The following RBM20 variants were observed in gnomAD, a reference collection of about 807,000 sequenced individuals.
RBM20 encodes the protein RNA binding motif protein 20.
In RBM20, 51 loss-of-function variants were observed where a neutral mutation model predicts 110.1. The observed-to-expected ratio is 0.46, with a 90% CI of 0.37 to 0.59. The LOEUF (loss-of-function observed/expected upper bound fraction) is 0.59, where lower values mean the gene tolerates loss of function less well. Ranked by LOEUF, RBM20 falls within the 20% of genes least tolerant of loss-of-function variation. The pLI is 0.00. For synonymous variants in RBM20, 589 were observed against 618.2 expected (o/e 0.95, Z 0.70); for missense variants, 1,512 against 1,574.9 (o/e 0.96, Z 0.68).
At chr10:110,727,513 T>C (rs1220423321) in intron 1 of RBM20, among the ~76,000 whole-genome samples, 3 of 152,162 alleles carry the variant, frequency 2.0e-5, no homozygotes, top group Non-Finnish European at 4.4e-5. Flanking sequence ...ACTTTTAAAC[T>C]TTCTATTCTG....
chr10:110,707,539 C>T (rs1159195997), intron 1 of RBM20, among the ~76,000 whole-genome samples: 1 of 152,230 alleles, frequency 6.6e-6, no homozygotes, highest in South Asian at 2.1e-4. Context: ...AGGCAAAGAG[C>T]ATAGATCTGA....
At chr10:110,694,815 G>A (rs1862637650) in intron 1 of RBM20, among the ~76,000 whole-genome samples, 2 of 152,090 alleles carry the variant, frequency 1.3e-5, no homozygotes, top group African/African-American at 2.4e-5. Context: ...GCTGACTGAC[G>A]TTTAACTCCA....
chr10:110,738,317 G>A (rs535535500), intron 1 of RBM20, among the ~76,000 whole-genome samples: 11 of 152,290 alleles, frequency 7.2e-5, no homozygotes, highest in African/African-American at 2.6e-4. Flanking sequence ...AGTGCCCACT[G>A]CTGCTTACAG....
chr10:110,702,931 A>G (rs1862780231), intron 1 of RBM20, among the ~76,000 whole-genome samples: 2 of 151,670 alleles, frequency 1.3e-5, no homozygotes, highest in African/African-American at 4.8e-5. Flanking sequence ...AGTGAGCACC[A>G]TGTAAGTGTT....
In RBM20 at chr10:110,812,886, G is replaced by A. The variant is rs1844793359; in HGVS notation, c.2489G>A (p.Arg830Lys). ...CAGAATGAGAAAAATAAAACCAAGA[G>A]AACTGATAGAGACCAAGAAGGAGCT... The part of the protein sequence containing the change: ...AKQNEKNKTK[R>K]TDRDQEGADD... The change falls in exon 9 of 14, where the codon AGA (arginine) becomes AAA (lysine). Residue 830 changes from arginine to lysine, a missense_variant. Arg to Lys is a conservative substitution (Grantham distance 26). Transcript: ENST00000369519. 2 of 1,468,654 alleles carry A rather than the reference G, an allele frequency of 1.4e-6. No individual in the cohort carries two copies. The highest frequency in any genetic ancestry group is 1.4e-5 in the African/African-American group (1 of 69,936). The allele number at this position is 1,468,654 out of a possible 1,614,324, so 91.0% of individuals were successfully genotyped here.
At position 110,798,451 on chromosome 10, in the gene RBM20, A is replaced by G. The variant is rs114012111; in HGVS notation, c.1668+803A>G. 6.9e-3 allele frequency among the ~76,000 whole-genome samples: 1,048 copies of G among 152,308 alleles called. 12 individuals are homozygous for G. The highest frequency in any genetic ancestry group is 0.024 in the African/African-American group (996 of 41,558). On this transcript the variant is annotated intron_variant, in intron 6 of 13. Transcript: ENST00000369519. ...TCACTTGTCTCTGTTCCTACTTCTCAGAAATTCTATTTTGGGTAAATGCAC... is the reference window on the plus strand; with the variant it reads ...TCACTTGTCTCTGTTCCTACTTCTCGGAAATTCTATTTTGGGTAAATGCAC...
intron 1 of RBM20, among the ~76,000 whole-genome samples, chr10:110,735,226 A>T (rs1843658525): frequency 6.6e-6 from 1 of 152,244 alleles, no homozygotes; most frequent in Admixed American, 6.5e-5. Flanking sequence ...TATAGGAAAA[A>T]ATAAATAGTA....
chr10:110,776,795 G>C (rs930986051), intron 1 of RBM20, among the ~76,000 whole-genome samples: 4 of 152,196 alleles, frequency 2.6e-5, no homozygotes, highest in Non-Finnish European at 5.9e-5. Flanking sequence ...TTATTATTCA[G>C]CCTACTGCAG....
chr10:110,671,777 C>T (rs910612879), intron 1 of RBM20, among the ~76,000 whole-genome samples: 2 of 151,624 alleles, frequency 1.3e-5, no homozygotes, highest in Admixed American at 1.3e-4. Context: ...GCTTATTAAC[C>T]GTATTTACAA....
At chr10:110,818,810 T>A (rs1443263209) in intron 9 of RBM20, among the ~76,000 whole-genome samples, 2 of 152,216 alleles carry the variant, frequency 1.3e-5, no homozygotes, top group East Asian at 3.8e-4. Context: ...GGATAGGTGA[T>A]TCAGGGAGAT....
intron 1 of RBM20, among the ~76,000 whole-genome samples, chr10:110,698,834 C>T (rs1353827520): frequency 6.6e-6 from 1 of 152,182 alleles, no homozygotes; most frequent in Non-Finnish European, 1.5e-5. Context: ...AGGATGGTGA[C>T]CTTTCAGTGG....
chr10:110,812,217 G>A (rs1293441827), intron 8 of RBM20, 61 bp from the exon 9 acceptor site: 21 of 1,394,350 alleles, frequency 1.5e-5, no homozygotes, highest in Non-Finnish European at 1.9e-5. Context: ...GTGTCTGTGT[G>A]TGGGTGGGGT....
At chr10:110,780,693 T>C in intron 1 of RBM20, 108 bp from the exon 2 acceptor site, 1 of 1,266,156 alleles carries the variant, frequency 7.9e-7, no homozygotes, top group South Asian at 1.6e-5. Context: ...GGGACCAGTG[T>C]GGGAAGGTCT....
chr10:110,644,388 G>T lies in RBM20; in HGVS notation c.-67G>T, dbSNP rs1005412181. On this transcript the variant is annotated 5_prime_UTR_variant, in exon 1 of 14. Transcript: ENST00000369519. The surrounding 1 kb of genome is among the most constrained non-coding windows in gnomAD (Gnocchi z 4.3). ...GGCACGGGGACCCCGGCCAGTGAGC[G>T]CCCGTGGCCCGGGACCGCCCCTCCC... 67 of 1,281,462 alleles carry T rather than the reference G, an allele frequency of 5.2e-5. No homozygotes were observed. In the African/African-American group the frequency reaches 1.0e-3, roughly 20 times the overall value. 79.4% of individuals were successfully genotyped at this position (1,281,462 alleles called of 1,614,324 possible). A position where few individuals can be genotyped will look rare whatever the true frequency, so the allele number is the denominator to read the frequency against.
At chr10:110,743,180 A>G (rs1421943110) in intron 1 of RBM20, among the ~76,000 whole-genome samples, 1 of 152,228 alleles carries the variant, frequency 6.6e-6, no homozygotes, top group African/African-American at 2.4e-5. Flanking sequence ...TATGAACTGT[A>G]TATTTTACCA....
rs1426317767 is a variant in RBM20 at position 110,644,961 on chromosome 10, C to G, written c.191+316C>G. Among the ~76,000 whole-genome samples the G allele has an allele frequency of 1.3e-5, 2 of 152,132 alleles. No individual in the cohort carries two copies. The highest frequency in any genetic ancestry group is 2.9e-5 in the Non-Finnish European group (2 of 68,032). On this transcript the variant is annotated intron_variant, in intron 1 of 13. Transcript: ENST00000369519. The surrounding 1 kb of genome is among the most constrained non-coding windows in gnomAD (Gnocchi z 4.3). ...AAATGGCCCAGCGACTGTATTTCAT[C>G]TTTCTGGTCCCAAGAGGACGCTGGA...
rs1353108526 is a variant in RBM20 at position 110,644,683 on chromosome 10, C to T, written c.191+38C>T. ...AAGGGAACAGGGACCACGGGTGCGC[C>T]TGGGGACACGCCCCGAGAGCCCCCT... On this transcript the variant is annotated intron_variant, in intron 1 of 13. Coordinates refer to ENST00000369519, the MANE Select transcript of RBM20 (RefSeq NM_001134363.3). The surrounding 1 kb of genome is among the most constrained non-coding windows in gnomAD (Gnocchi z 4.3). 2 of 1,396,742 alleles carry T rather than the reference C, an allele frequency of 1.4e-6. No individual in the cohort carries two copies. Among genetic ancestry groups the T allele is most frequent in the Admixed American group, 5.6e-5 (2 of 35,956 alleles). The allele number at this position is 1,396,742 out of a possible 1,614,324, so 86.5% of individuals were successfully genotyped here. A position where few individuals can be genotyped will look rare whatever the true frequency, so the allele number is the denominator to read the frequency against.
chr10:110,705,076 T>C (rs1420435972), intron 1 of RBM20, among the ~76,000 whole-genome samples: 1 of 152,240 alleles, frequency 6.6e-6, no homozygotes, highest in Non-Finnish European at 1.5e-5. Context: ...CTCACCATTG[T>C]GAACAAAAAG....
chr10:110,657,739 G>T (rs1450632034), intron 1 of RBM20, among the ~76,000 whole-genome samples: 2 of 152,146 alleles, frequency 1.3e-5, no homozygotes, highest in African/African-American at 4.8e-5. Flanking sequence ...GGACATTTAG[G>T]TTGTTTCCAG....
Sources: gnomAD v4.1 joint callset for allele counts (sites outside exome capture counted in the v4.1 genomes callset) on GRCh38, gnomAD v4.1.1 for gene constraint, Gnocchi (gnomAD v3.1) non-coding constraint, MANE v1.5 for transcripts, NCBI Gene and HGNC (gene_info 2026-07-23, HGNC 2026-07-21) for gene names.